SUGCT: variants seen among roughly 807,000 people sequenced by gnomAD.
SUGCT encodes succinyl-CoA:glutarate-CoA transferase.
SUGCT carries 41 observed loss-of-function variants against 55.0 expected under a neutral mutation model. That is an observed-to-expected ratio of 0.74 (90% CI 0.58 to 0.97). SUGCT has a LOEUF of 0.97. Among genes scored for constraint, SUGCT ranks in the 50% least tolerant of loss-of-function variants. SUGCT has a pLI of 0.00. For synonymous variants in SUGCT, 187 were observed against 200.4 expected, an observed-to-expected ratio of 0.93 and a Z score of 0.56; for missense variants, 568 against 547.8, an observed-to-expected ratio of 1.04 and a Z score of -0.37.
At chr7:40,166,036 C>T (rs1274434587) in intron 1 of SUGCT, among the ~76,000 whole-genome samples, 1 of 152,150 alleles carries the variant, frequency 6.6e-6, no homozygotes, top group East Asian at 1.9e-4. Context: ...GCAGGAGAAT[C>T]ACTTGAACCC....
chr7:40,535,178 G>T (rs1027518618), intron 12 of SUGCT, among the ~76,000 whole-genome samples: 4 of 151,602 alleles, frequency 2.6e-5, no homozygotes, highest in African/African-American at 9.7e-5. Context: ...CCAACTTTTA[G>T]ATTCCATGGG....
the SUGCT span, among the ~76,000 whole-genome samples, chr7:40,904,238 A>C: frequency 2.0e-5 from 3 of 152,188 alleles, no homozygotes; most frequent in Non-Finnish European, 4.4e-5. Flanking sequence ...AGTATATGGC[A>C]GGGCCCAGGA....
At chr7:40,562,880 C>A (rs1359058709) in intron 12 of SUGCT, among the ~76,000 whole-genome samples, 1 of 152,098 alleles carries the variant, frequency 6.6e-6, no homozygotes, top group East Asian at 1.9e-4. Flanking sequence ...AAAATGAGTT[C>A]GTTTTGGACA....
chr7:40,566,188 A>G (rs1363593217), intron 12 of SUGCT, among the ~76,000 whole-genome samples: 2 of 152,156 alleles, frequency 1.3e-5, no homozygotes, highest in African/African-American at 2.4e-5. Flanking sequence ...AACAGACAGA[A>G]TATCATTACC....
At chr7:40,778,485 T>C (rs536208857) in intron 13 of SUGCT, among the ~76,000 whole-genome samples, 183 of 152,390 alleles carry the variant, frequency 1.2e-3, no homozygotes, top group Non-Finnish European at 2.0e-3. Flanking sequence ...AGTAAAATTA[T>C]TTCAGAAGCA....
At chr7:40,416,275 A>C (rs1786997667) in intron 9 of SUGCT, among the ~76,000 whole-genome samples, 1 of 151,834 alleles carries the variant, frequency 6.6e-6, no homozygotes, top group South Asian at 2.1e-4. Flanking sequence ...CACCTTGTAC[A>C]GTTCCCTTAT....
intron 13 of SUGCT, among the ~76,000 whole-genome samples, chr7:40,751,170 A>G (rs1339155566): frequency 6.6e-6 from 1 of 152,152 alleles, no homozygotes; most frequent in Non-Finnish European, 1.5e-5. Context: ...CAAAACGAAT[A>G]GAGGATGAGC....
At chr7:40,852,807 C>T (rs769709198) in intron 13 of SUGCT, among the ~76,000 whole-genome samples, 3 of 152,054 alleles carry the variant, frequency 2.0e-5, no homozygotes, top group Middle Eastern at 3.4e-3. Context: ...AATATTATTC[C>T]ATTTTCAACT....
chr7:40,585,915 A>G (rs1478836259), intron 12 of SUGCT, among the ~76,000 whole-genome samples: 1 of 152,106 alleles, frequency 6.6e-6, no homozygotes, highest in Non-Finnish European at 1.5e-5. Context: ...TCCTGGGCTC[A>G]AGCAATCCAT....
chr7:40,189,093 C>T (rs1159407283), intron 4 of SUGCT, among the ~76,000 whole-genome samples: 1 of 152,174 alleles, frequency 6.6e-6, no homozygotes, highest in Non-Finnish European at 1.5e-5. Context: ...CCTTTAATCC[C>T]AGCACTTTGG....
chr7:40,545,262 C>T (rs757418776), intron 12 of SUGCT, among the ~76,000 whole-genome samples: 3 of 152,170 alleles, frequency 2.0e-5, no homozygotes, highest in African/African-American at 4.8e-5. Context: ...ATGACATATT[C>T]GGTATTTCTC....
At chr7:41,007,570 C>A in the SUGCT span, among the ~76,000 whole-genome samples, 1 of 152,264 alleles carries the variant, frequency 6.6e-6, no homozygotes, top group South Asian at 2.1e-4. Context: ...GCTCTGGAGA[C>A]CTAGTCACCA....
the SUGCT span, among the ~76,000 whole-genome samples, chr7:40,952,355 A>C: frequency 6.6e-6 from 1 of 152,088 alleles, no homozygotes; most frequent in South Asian, 2.1e-4. Context: ...GTTTCTGCAC[A>C]TGAGATGGGT....
intron 9 of SUGCT, among the ~76,000 whole-genome samples, chr7:40,345,344 T>A (rs995475396): frequency 1.3e-5 from 2 of 152,168 alleles, no homozygotes; most frequent in Non-Finnish European, 2.9e-5. Context: ...TCACAAATAT[T>A]TTTATTCTTG....
chr7:40,902,811 G>T, the SUGCT span, among the ~76,000 whole-genome samples: 1 of 152,030 alleles, frequency 6.6e-6, no homozygotes, highest in African/African-American at 2.4e-5. Flanking sequence ...ATCCAGTTCT[G>T]CTCTGGCCTC....
At chr7:40,386,337 C>T (rs1037497469) in intron 9 of SUGCT, among the ~76,000 whole-genome samples, 6 of 152,192 alleles carry the variant, frequency 3.9e-5, no homozygotes, top group African/African-American at 1.4e-4. Context: ...AACACTGATC[C>T]CTCATCCCAC....
intron 13 of SUGCT, among the ~76,000 whole-genome samples, chr7:40,795,671 T>C (rs1390839032): frequency 6.6e-6 from 1 of 152,092 alleles, no homozygotes; most frequent in African/African-American, 2.4e-5. Flanking sequence ...AAAATCATAG[T>C]TTCTAGTTGG....
At chr7:40,862,507 C>T (rs1365025668), downstream of SUGCT, among the ~76,000 whole-genome samples, 1 of 152,166 alleles carries the variant, frequency 6.6e-6, no homozygotes, top group Non-Finnish European at 1.5e-5. Context: ...TCAAGTTATG[C>T]TTATAAACAA....
At chr7:40,456,244 T>G (rs1789480996) in intron 10 of SUGCT, among the ~76,000 whole-genome samples, 1 of 152,166 alleles carries the variant, frequency 6.6e-6, no homozygotes, top group African/African-American at 2.4e-5. Context: ...CAGGTTGGTC[T>G]CCAACTCTTG....
Sources: gnomAD v4.1 joint callset for allele counts (sites outside exome capture counted in the v4.1 genomes callset) on GRCh38, gnomAD v4.1.1 for gene constraint, MANE v1.5 for transcripts, NCBI Gene and HGNC (gene_info 2026-07-23, HGNC 2026-07-21) for gene names.